MCM3AP: variants seen among roughly 807,000 people sequenced by gnomAD.
The protein encoded by MCM3AP is germinal-center associated nuclear protein.
Under a neutral mutation model 184.1 loss-of-function variants are expected in MCM3AP, and 126 were observed. The ratio of observed to expected loss-of-function variants is 0.68; its 90% CI spans 0.59 to 0.79. The LOEUF is 0.79. Among genes scored for constraint, MCM3AP ranks in the 30% least tolerant of loss-of-function variants. The pLI, the probability that MCM3AP is intolerant of heterozygous loss-of-function variation, is 0.00. For synonymous variants in MCM3AP, 1,002 were observed against 979.3 expected (o/e 1.02, Z -0.43); for missense variants, 2,496 against 2,479.2 (o/e 1.01, Z -0.14).
chr21:46,265,257 G>C (rs570461763), intron 12 of MCM3AP, 64 bp downstream of exon 12: 2 of 1,485,776 alleles, frequency 1.3e-6, no homozygotes, highest in East Asian at 4.6e-5. Flanking sequence ...ATGGGGTGAT[G>C]ACTAAGGACG....
At chr21:46,279,178 C>G (rs1464466850) in intron 4 of MCM3AP, among the ~76,000 whole-genome samples, 1 of 151,758 alleles carries the variant, frequency 6.6e-6, no homozygotes, top group Admixed American at 6.6e-5. Flanking sequence ...ATCTCAGCTA[C>G]TAGGGAGGCT....
rs965760151 is a variant in MCM3AP, at chr21:46,256,426, G to A, written c.3932+363C>T. 2.0e-4 allele frequency: 51 copies of A among 253,354 alleles called. 2 individuals carry two copies. The highest frequency in any genetic ancestry group is 1.8e-4 in the East Asian group (2 of 11,392). 15.7% of individuals were successfully genotyped at this position (253,354 alleles called of 1,614,324 possible). On this transcript the variant is annotated intron_variant, in intron 17 of 27. Coordinates refer to ENST00000291688, the MANE Select transcript of MCM3AP (RefSeq NM_003906.5). ...AGAGGGATGGGGCGGGGATGGGATC[G>A]GAAGACACAGGCCAGCGTGGACCTC... is the stretch of plus-strand genomic sequence containing the variant.
rs528449836 is a variant in MCM3AP, at chr21:46,259,227, G to T, written c.3582-136C>A. Reference sequence around the variant, plus strand: ...TCCCAGCACTTTGGAAGGCCGAAGCGGGTGGATCATGAGGTCAAGAGATCC... The same window carrying T: ...TCCCAGCACTTTGGAAGGCCGAAGCTGGTGGATCATGAGGTCAAGAGATCC... On this transcript the variant is annotated intron_variant, in intron 15 of 27. Coordinates refer to ENST00000291688, the MANE Select transcript of MCM3AP (RefSeq NM_003906.5). 6.7e-6 allele frequency: 5 copies of T among 749,302 alleles called. No homozygotes were observed. The South Asian group carries it at 9.9e-5, about 15-fold the overall frequency. The allele number at this position is 749,302 out of a possible 1,614,324, so 46.4% of individuals were successfully genotyped here. A position where few individuals can be genotyped will look rare whatever the true frequency, so the allele number is the denominator to read the frequency against.
rs774469452 is a variant in MCM3AP, at chr21:46,284,707, A to G, written c.580T>C (p.Phe194Leu). Residue 194 changes from phenylalanine to leucine, a missense_variant, in exon 1 of 28, where the codon TTT (phenylalanine) becomes CTT (leucine). Phe to Leu is a conservative substitution (Grantham distance 22). Transcript: ENST00000291688. ...SAPGGLAPFS[F>L]PQVTSSSATT... is the part of the protein sequence containing the mutation. ...GCTGAACTACTTGTTACTTGAGGAA[A>G]AGAGAAAGGGGCCAGGCCTCCAGGT... 3 of 1,614,168 alleles carry G rather than the reference A, an allele frequency of 1.9e-6. No individual in the cohort carries two copies. The highest frequency in any genetic ancestry group is 2.5e-6 in the Non-Finnish European group (3 of 1,180,040).
At chr21:46,259,475 A>C in intron 15 of MCM3AP, 1 of 160,588 alleles carries the variant, frequency 6.2e-6, no homozygotes, top group Non-Finnish European at 1.3e-5. Flanking sequence ...AAAAAAAGAA[A>C]AGTGCAAGAG....
rs747476987 is a variant in MCM3AP, at chr21:46,264,210, G to A, written c.3242C>T (p.Ala1081Val). ...CTGGATGAGCTCGTCCACCACCTGC[G>A]CCAGGTCCTGTGGAGAGACCAGCAT... is the stretch of plus-strand genomic sequence containing the variant. ...PVPMYSDEDL[A>V]QVVDELIQEA... Residue 1081 changes from alanine to valine, a missense_variant, in exon 13 of 28, where the codon GCG becomes GTG. Ala to Val is a moderately conservative substitution (Grantham distance 64). Coordinates refer to ENST00000291688, the MANE Select transcript of MCM3AP (RefSeq NM_003906.5). The A allele has an allele frequency of 1.4e-5, 23 of 1,610,382 alleles. No homozygotes were observed. Among genetic ancestry groups the A allele is most frequent in the South Asian group, 4.4e-5 (4 of 90,696 alleles).
At chr21:46,252,729 G>A (rs974409290) in intron 19 of MCM3AP, 4 of 152,000 alleles carry the variant, frequency 2.6e-5, no homozygotes, top group Admixed American at 2.0e-4. Flanking sequence ...AAGGTGTTCT[G>A]GAATTATTAA....
intron 13 of MCM3AP, among the ~76,000 whole-genome samples, chr21:46,262,892 C>CG (rs2081058037): frequency 7.6e-6 from 1 of 132,152 alleles, no homozygotes; most frequent in South Asian, 2.6e-4. Context: ...GCGTGAACCC[C>CG]GGGGGGCGGA....
rs540994099 is a variant in MCM3AP at position 46,267,155 on chromosome 21, G to A, written c.2629-13C>T. The A allele has an allele frequency of 1.9e-5, 30 of 1,611,828 alleles. 1 individual carries two copies. The highest frequency in any genetic ancestry group is 1.2e-4 in the South Asian group (11 of 90,602). ...CATCCTTGCGGATCTGAGAGGAGGAGCGAAATCACTGCAGTCTCAGACGAA... is the reference window on the plus strand; with the variant it reads ...CATCCTTGCGGATCTGAGAGGAGGAACGAAATCACTGCAGTCTCAGACGAA... On this transcript the variant is annotated splice_polypyrimidine_tract_variant and intron_variant, in intron 9 of 27. Coordinates refer to ENST00000291688, the MANE Select transcript of MCM3AP (RefSeq NM_003906.5).
At chr21:46,246,239 T>C (rs2080765648) in intron 22 of MCM3AP, 68 bp downstream of exon 22, 1 of 953,392 alleles carries the variant, frequency 1.0e-6, no homozygotes, top group African/African-American at 1.6e-5. Context: ...ATACACTCAA[T>C]TCAAGATACA....
chr21:46,248,725 G>A (rs1294957976), intron 20 of MCM3AP, among the ~76,000 whole-genome samples: 1 of 151,844 alleles, frequency 6.6e-6, no homozygotes, highest in Non-Finnish European at 1.5e-5. Flanking sequence ...AAAATAAGAT[G>A]CTATGAAAAA....
rs1211861115 is a variant in MCM3AP, at chr21:46,285,165, T to C, written c.122A>G (p.Gln41Arg). Reference protein sequence around the residue: ...FRFGQPSLFGQNSTLSGKSSG... With the variant: ...FRFGQPSLFGRNSTLSGKSSG... The stretch of plus-strand genomic sequence containing the variant: ...GCTCTTCCCAGATAAGGTACTGTTT[T>C]GTCCAAAAAGAGAAGGTTGACCAAA... The change falls in exon 1 of 28, where the codon CAA becomes CGA. Residue 41 changes from glutamine to arginine, a missense_variant. Physicochemically the swap from Gln to Arg is conservative, Grantham distance 43. This residue lies in a region of MCM3AP where 800 missense variants were observed against 717.1 expected (regional missense o/e 1.12). Transcript: ENST00000291688. 1.2e-6 allele frequency: 2 copies of C among 1,614,172 alleles called. No individual in the cohort carries two copies. The highest frequency in any genetic ancestry group is 1.7e-6 in the Non-Finnish European group (2 of 1,180,036).
chr21:46,240,608 T>G (rs1211269249), intron 26 of MCM3AP, among the ~76,000 whole-genome samples: 1 of 152,198 alleles, frequency 6.6e-6, no homozygotes, highest in Non-Finnish European at 1.5e-5. Context: ...TTCACTTCAA[T>G]ATAAACAGTT....
At chr21:46,255,371 C>T (rs12483577) in intron 17 of MCM3AP, among the ~76,000 whole-genome samples, 8,476 of 152,012 alleles carry the variant, frequency 0.056, 323 homozygotes, top group Non-Finnish European at 0.085. Flanking sequence ...ACTCGGGGAG[C>T]GCTAGGGACG....
chr21:46,246,070 C>G (rs534672224), intron 22 of MCM3AP, among the ~76,000 whole-genome samples: 4 of 152,150 alleles, frequency 2.6e-5, no homozygotes, highest in African/African-American at 9.7e-5. Context: ...TGCTGCCAGG[C>G]GCAGTGGCAC....
In MCM3AP at chr21:46,284,650, C is replaced by T. The variant is rs2081380794; in HGVS notation, c.637G>A (p.Val213Ile). The change falls in exon 1 of 28, where the codon GTT (valine) becomes ATT (isoleucine). Residue 213 changes from valine (V) to isoleucine (I), a missense_variant. Coordinates refer to ENST00000291688, the MANE Select transcript of MCM3AP (RefSeq NM_003906.5). The stretch of plus-strand genomic sequence containing the variant: ...GCAGATAATGAATTATTACTACTAA[C>T]AGGTTTTGAAAAGGTAAAATTTGAA... Reference protein sequence around the residue: ...TTSNFTFSKPVSSNNSLSAFT... With the variant: ...TTSNFTFSKPISSNNSLSAFT... 2 of 1,614,000 alleles carry T rather than the reference C, an allele frequency of 1.2e-6. No individual in the cohort carries two copies. Among genetic ancestry groups the T allele is most frequent in the African/African-American group, 2.7e-5 (2 of 74,878 alleles).
rs1569059762 is a variant in MCM3AP at position 46,251,543 on chromosome 21, T to C, written c.4276A>G (p.Asn1426Asp). ...TTATAGTTCACCTTTATACACACGT[T>C]AACAGAAATCATCTGATCCCCTTTG... is the stretch of plus-strand genomic sequence containing the variant. ...SSKGDQMISV[N>D]VCIKVAHGAL... Residue 1426 changes from asparagine (N) to aspartate (D), a missense_variant, in exon 20 of 28, where the codon AAC becomes GAC. Asn to Asp is a conservative substitution (Grantham distance 23). Coordinates refer to ENST00000291688, the MANE Select transcript of MCM3AP (RefSeq NM_003906.5). The C allele has an allele frequency of 6.2e-7, 1 of 1,609,796 alleles. No individual in the cohort carries two copies.
chr21:46,262,965 C>CAAAAAAAAAA (rs34666984), intron 13 of MCM3AP, among the ~76,000 whole-genome samples: 1 of 45,732 alleles, frequency 2.2e-5, no homozygotes, highest in Non-Finnish European at 3.7e-5. Context: ...GACTCCGTCT[C>CAAAAAAAAAA]AAAAAAAAAA....
rs561290699 is a variant in MCM3AP, at chr21:46,264,376, G to A, written c.3235-159C>T. Reference sequence around the variant, plus strand: ...TGTTGCAGGAAAGGTGTCCCCTAGCGAATGGAAAGGTGCCATCTGGAGAGG... The same window carrying A: ...TGTTGCAGGAAAGGTGTCCCCTAGCAAATGGAAAGGTGCCATCTGGAGAGG... On this transcript the variant is annotated intron_variant, in intron 12 of 27. Transcript: ENST00000291688. Among the ~76,000 whole-genome samples the A allele has an allele frequency of 3.3e-5, 5 of 152,312 alleles. No individual in the cohort carries two copies. The East Asian group carries it at 7.7e-4, about 24-fold the overall frequency.
Sources: gnomAD v4.1 joint callset for allele counts (sites outside exome capture counted in the v4.1 genomes callset) on GRCh38, gnomAD v4.1.1 for gene constraint, gnomAD v4.1.1 regional missense constraint, MANE v1.5 for transcripts, NCBI Gene and HGNC (gene_info 2026-07-23, HGNC 2026-07-21) for gene names.